PLCB1: variants seen among roughly 807,000 people sequenced by gnomAD.
PLCB1 encodes phospholipase C beta 1, also known as 1-phosphatidylinositol 4,5-bisphosphate phosphodiesterase beta-1.
PLCB1 carries 46 observed loss-of-function variants against 161.8 expected under a neutral mutation model. The observed-to-expected ratio is 0.28, with a 90% CI of 0.22 to 0.36. The LOEUF (loss-of-function observed/expected upper bound fraction) is 0.36. Ranked by LOEUF, PLCB1 falls within the 10% of genes least tolerant of loss-of-function variation. The pLI is 1.00. For synonymous variants in PLCB1, 517 were observed against 503.7 expected, an observed-to-expected ratio of 1.03 and a Z score of -0.35; for missense variants, 1,016 against 1,472.5, an observed-to-expected ratio of 0.69 and a Z score of 5.07.
intron 2 of PLCB1, among the ~76,000 whole-genome samples, chr20:8,272,108 C>A (rs1243499280): frequency 6.6e-6 from 1 of 151,794 alleles, no homozygotes; most frequent in Non-Finnish European, 1.5e-5. Flanking sequence ...GTCTTTGGGG[C>A]AAAAAGAAGA....
chr20:8,159,342 A>G (rs984506869), intron 2 of PLCB1, among the ~76,000 whole-genome samples: 49 of 152,108 alleles, frequency 3.2e-4, no homozygotes, highest in Non-Finnish European at 5.0e-4. Context: ...AGTGGCAGGG[A>G]TGTAGGGCAC....
intron 31 of PLCB1, among the ~76,000 whole-genome samples, chr20:8,827,809 C>T (rs1394355650): frequency 2.0e-5 from 3 of 152,218 alleles, no homozygotes; most frequent in Non-Finnish European, 4.4e-5. Flanking sequence ...TTTTAGAGCA[C>T]ATGAAAATCA....
At chr20:8,774,490 C>T (rs1023329913) in intron 26 of PLCB1, 49 bp from the exon 27 acceptor site, 26 of 1,506,982 alleles carry the variant, frequency 1.7e-5, no homozygotes, top group Non-Finnish European at 2.3e-5. Flanking sequence ...CTTCCCTCCA[C>T]CTTGTTATGG....
At chr20:8,587,044 A>T (rs1009490496) in intron 3 of PLCB1, among the ~76,000 whole-genome samples, 3 of 152,156 alleles carry the variant, frequency 2.0e-5, no homozygotes, top group Non-Finnish European at 4.4e-5. Flanking sequence ...AGGCCTAAAA[A>T]TATCCTGTAG....
intron 3 of PLCB1, among the ~76,000 whole-genome samples, chr20:8,605,076 A>G (rs527487877): frequency 5.9e-5 from 9 of 152,282 alleles, no homozygotes; most frequent in Non-Finnish European, 8.8e-5. Flanking sequence ...ACACACATCT[A>G]TTATAGACAT....
At chr20:8,879,754 T>C (rs1987906367) in intron 31 of PLCB1, among the ~76,000 whole-genome samples, 1 of 152,162 alleles carries the variant, frequency 6.6e-6, no homozygotes, top group South Asian at 2.1e-4. Flanking sequence ...AAGGGGATGC[T>C]CCCAAGCTGC....
At chr20:8,285,139 A>G (rs1285771573) in intron 2 of PLCB1, among the ~76,000 whole-genome samples, 1 of 151,184 alleles carries the variant, frequency 6.6e-6, no homozygotes. Context: ...TATTGTTTCA[A>G]GGAATTTTAT....
intron 2 of PLCB1, among the ~76,000 whole-genome samples, chr20:8,348,742 C>T (rs1255817606): frequency 6.6e-6 from 1 of 152,210 alleles, no homozygotes; most frequent in African/African-American, 2.4e-5. Flanking sequence ...TTAAACTTAA[C>T]TCATACACAT....
chr20:8,715,362 C>T lies in PLCB1; in HGVS notation c.1251-902C>T, dbSNP rs1404979993. Among the ~76,000 whole-genome samples, 4 of 152,344 alleles carry T rather than the reference C, an allele frequency of 2.6e-5. No individual in the cohort carries two copies. The East Asian group carries it at 7.7e-4, about 29-fold the overall frequency. On this transcript the variant is annotated intron_variant, in intron 12 of 31. Coordinates refer to ENST00000338037, the MANE Select transcript of PLCB1 (RefSeq NM_015192.4). Reference sequence around the variant, plus strand: ...TTTGTCTAGTCTAGCTGGCGGACGCCGCCTTGTAACAGTGGAATCATCTTA... The same window carrying T: ...TTTGTCTAGTCTAGCTGGCGGACGCTGCCTTGTAACAGTGGAATCATCTTA...
chr20:8,545,029 G>C (rs1050561282), intron 3 of PLCB1, among the ~76,000 whole-genome samples: 2 of 152,122 alleles, frequency 1.3e-5, no homozygotes, highest in African/African-American at 4.8e-5. Flanking sequence ...TTGTCAAGGA[G>C]ATGACAGTCT....
intron 3 of PLCB1, among the ~76,000 whole-genome samples, chr20:8,576,306 T>C (rs1474074059): frequency 6.6e-6 from 1 of 152,186 alleles, no homozygotes; most frequent in African/African-American, 2.4e-5. Context: ...AGCCATTCCT[T>C]GGAGCCCATT....
chr20:8,300,050 C>T (rs1056062791), intron 2 of PLCB1, among the ~76,000 whole-genome samples: 6 of 152,258 alleles, frequency 3.9e-5, no homozygotes, highest in East Asian at 3.9e-4. Context: ...ACTCTACTGA[C>T]CTTGGCTGAG....
intron 2 of PLCB1, among the ~76,000 whole-genome samples, chr20:8,233,712 C>T (rs1387780152): frequency 1.3e-5 from 2 of 152,118 alleles, no homozygotes; most frequent in African/African-American, 4.8e-5. Context: ...CCTAACTGCA[C>T]CCTCCTCCCA....
intron 3 of PLCB1, among the ~76,000 whole-genome samples, chr20:8,556,190 A>G (rs1985947705): frequency 6.6e-6 from 1 of 152,032 alleles, no homozygotes; most frequent in South Asian, 2.1e-4. Context: ...CTCTATGGGT[A>G]CCTGATTCTG....
rs113568053 is a variant in PLCB1, at chr20:8,436,268, G to A, written c.246+64818G>A. ...AAGAATCACTTTAACCTGGAAGGCA[G>A]AGGTTGCACTGAGATCGCGCCACCG... On this transcript the variant is annotated intron_variant, in intron 3 of 31. Transcript: ENST00000338037. Among the ~76,000 whole-genome samples, 798 of 151,070 alleles carry A rather than the reference G, an allele frequency of 5.3e-3. 13 individuals carry two copies. Among genetic ancestry groups the A allele is most frequent in the African/African-American group, 0.018 (736 of 41,146 alleles).
intron 9 of PLCB1, among the ~76,000 whole-genome samples, chr20:8,660,092 T>C (rs1008502188): frequency 2.0e-5 from 3 of 152,076 alleles, no homozygotes; most frequent in Non-Finnish European, 4.4e-5. Context: ...TTAGATGCAA[T>C]TTTTTAGTTT....
intron 31 of PLCB1, among the ~76,000 whole-genome samples, chr20:8,806,976 T>G (rs188311415): frequency 6.6e-6 from 1 of 152,212 alleles, no homozygotes. Flanking sequence ...TAAGCAGGAG[T>G]AAAGAGATTT....
chr20:8,629,816 CTT>C (rs71184105), intron 4 of PLCB1, among the ~76,000 whole-genome samples: 1 of 72,646 alleles, frequency 1.4e-5, no homozygotes, highest in Admixed American at 1.5e-4. Flanking sequence ...TCTTTTCTTT[CTT>C]TTCTTTCTTT....
intron 3 of PLCB1, among the ~76,000 whole-genome samples, chr20:8,495,328 G>A (rs1018247186): frequency 6.6e-6 from 1 of 151,022 alleles, no homozygotes; most frequent in African/African-American, 2.4e-5. Flanking sequence ...TAACATTTTG[G>A]CTTCAGACTC....
Sources: allele counts gnomAD v4.1 joint callset (sites outside exome capture counted in the v4.1 genomes callset), GRCh38; gene constraint gnomAD v4.1.1; transcripts MANE v1.5; gene names NCBI Gene and HGNC (gene_info 2026-07-23, HGNC 2026-07-21).